ELL: variants seen among roughly 807,000 people sequenced by gnomAD.
ELL encodes elongation factor for RNA polymerase II.
A neutral mutation model predicts 64.0 loss-of-function variants in ELL; 18 were observed. That is an observed-to-expected ratio of 0.28 (90% CI 0.19 to 0.42). The LOEUF (loss-of-function observed/expected upper bound fraction) is 0.42, where lower values mean the gene tolerates loss of function less well. Among genes scored for constraint, ELL ranks in the 10% least tolerant of loss-of-function variants. The pLI is 1.00. For missense variants in ELL, 797 were observed against 870.4 expected (o/e 0.92, Z 1.06); for synonymous variants, 399 against 376.2 (o/e 1.06, Z -0.70).
chr19:18,488,809 C>T (rs1347579756), intron 1 of ELL, among the ~76,000 whole-genome samples: 1 of 152,206 alleles, frequency 6.6e-6, no homozygotes. Flanking sequence ...AGTGGCAGGG[C>T]TTGAGCTGAA....
In ELL at chr19:18,444,551, G is replaced by A. The variant is rs1469096899; in HGVS notation, c.*201C>T. ...CTTCCTGGGGAGCCCATCATAAGCAGGGACTGCTCAGGAAGCGCAGGGAGG... is the reference window on the plus strand; with the variant it reads ...CTTCCTGGGGAGCCCATCATAAGCAAGGACTGCTCAGGAAGCGCAGGGAGG... On this transcript the variant is annotated 3_prime_UTR_variant, in exon 12 of 12. Transcript: ENST00000262809. 1 of 538,440 alleles carries A rather than the reference G, an allele frequency of 1.9e-6. No individual in the cohort carries two copies. Among genetic ancestry groups the A allele is most frequent in the Non-Finnish European group, 3.3e-6 (1 of 306,654 alleles). 33.4% of individuals were successfully genotyped at this position (538,440 alleles called of 1,614,324 possible).
intron 1 of ELL, among the ~76,000 whole-genome samples, chr19:18,507,734 T>C (rs1452539086): frequency 6.6e-6 from 1 of 152,234 alleles, no homozygotes; most frequent in African/African-American, 2.4e-5. Flanking sequence ...GCAATCCCTC[T>C]GTGTAGGAGA....
At chr19:18,517,989 G>A (rs1976164848) in intron 1 of ELL, among the ~76,000 whole-genome samples, 1 of 151,756 alleles carries the variant, frequency 6.6e-6, no homozygotes, top group Non-Finnish European at 1.5e-5. Flanking sequence ...GGGAGGCCAA[G>A]GGAGGAGGAT....
At chr19:18,521,037 C>A (rs1156579379) in intron 1 of ELL, among the ~76,000 whole-genome samples, 1 of 152,030 alleles carries the variant, frequency 6.6e-6, no homozygotes, top group Non-Finnish European at 1.5e-5. Flanking sequence ...CTCCCCACCA[C>A]CAGCCAGGTG....
In ELL at chr19:18,446,561, G is replaced by A. The variant is rs148613687; in HGVS notation, c.1533-81C>T. ...AGGAAGTGGCCATCCTGGCTCCACCGGCGGCCTGGCCTCTCGGGTGATTCC... is the reference window on the plus strand; with the variant it reads ...AGGAAGTGGCCATCCTGGCTCCACCAGCGGCCTGGCCTCTCGGGTGATTCC... On this transcript the variant is annotated intron_variant, in intron 9 of 11. Coordinates refer to ENST00000262809, the MANE Select transcript of ELL (RefSeq NM_006532.4). The A allele has an allele frequency of 8.7e-5, 134 of 1,547,652 alleles. No homozygotes were observed. In the African/African-American group the frequency reaches 1.3e-3, roughly 15 times the overall value.
At chr19:18,459,521 ATTT>A (rs773327507) in intron 5 of ELL, among the ~76,000 whole-genome samples, 1 of 138,274 alleles carries the variant, frequency 7.2e-6, no homozygotes, top group Non-Finnish European at 1.6e-5. Flanking sequence ...CATGGGGAGC[ATTT>A]TTTTTTTTTT....
At chr19:18,496,858 C>T (rs1278371485) in intron 1 of ELL, among the ~76,000 whole-genome samples, 1 of 152,214 alleles carries the variant, frequency 6.6e-6, no homozygotes, top group Non-Finnish European at 1.5e-5. Context: ...CAATGAGATA[C>T]CACCACATGC....
At chr19:18,508,929 T>A (rs749813449) in intron 1 of ELL, among the ~76,000 whole-genome samples, 1 of 152,148 alleles carries the variant, frequency 6.6e-6, no homozygotes, top group Non-Finnish European at 1.5e-5. Flanking sequence ...TCTGTCCGCG[T>A]CCTAACAAGG....
At chr19:18,498,299 G>A (rs867201447) in intron 1 of ELL, among the ~76,000 whole-genome samples, 1 of 152,064 alleles carries the variant, frequency 6.6e-6, no homozygotes, top group East Asian at 1.9e-4. Flanking sequence ...GAGCCAACCC[G>A]GATCACTAAA....
rs890331446 is a variant in ELL at position 18,511,793 on chromosome 19, A to C, written c.135+10128T>G. On this transcript the variant is annotated intron_variant, in intron 1 of 11. Transcript: ENST00000262809. ...CAGCATTTTGGGAGGCTGAGGTTGG[A>C]GGACTGCTTGAGCCCAGGAGTTCGA... 6.6e-5 allele frequency among the ~76,000 whole-genome samples: 10 copies of C among 151,630 alleles called. No individual in the cohort carries two copies. The East Asian group carries it at 1.9e-3, about 29-fold the overall frequency.
chr19:18,492,430 T>A (rs948109455), intron 1 of ELL, among the ~76,000 whole-genome samples: 9 of 152,216 alleles, frequency 5.9e-5, no homozygotes, highest in South Asian at 2.1e-4. Flanking sequence ...ATTTGAAACA[T>A]AAGCAATAAG....
chr19:18,480,982 T>C (rs1975288434), intron 1 of ELL, among the ~76,000 whole-genome samples: 1 of 152,186 alleles, frequency 6.6e-6, no homozygotes, highest in Non-Finnish European at 1.5e-5. Flanking sequence ...AGAAAGCTTA[T>C]GGAAAAGGGT....
intron 1 of ELL, among the ~76,000 whole-genome samples, chr19:18,519,457 C>G (rs111527728): frequency 6.6e-6 from 1 of 152,118 alleles, no homozygotes; most frequent in African/African-American, 2.4e-5. Flanking sequence ...ACGGAGCTGC[C>G]GTGCCTTAGA....
intron 1 of ELL, among the ~76,000 whole-genome samples, chr19:18,478,191 G>A (rs141730410): frequency 2.6e-5 from 4 of 152,204 alleles, no homozygotes; most frequent in Non-Finnish European, 4.4e-5. Context: ...GAGCCAACAT[G>A]CGTGGTGTCA....
At position 18,509,598 on chromosome 19, in the gene ELL, T is replaced by TACACACACACAC. The variant is rs1183127480; in HGVS notation, c.135+12311_135+12322dup. On this transcript the variant is annotated intron_variant, in intron 1 of 11. Transcript: ENST00000262809. ...CAATGCACGTGCGCGCGCGCGCACA[T>TACACACACACAC]ACACACACACACACACACACACACA... Among the ~76,000 whole-genome samples, 132 of 81,850 alleles carry TACACACACACAC rather than the reference T, an allele frequency of 1.6e-3. 3 individuals carry two copies. The highest frequency in any genetic ancestry group is 7.0e-3 in the East Asian group (20 of 2,858). The allele number at this position is 81,850 out of a possible 152,430, so 53.7% of individuals were successfully genotyped here. A position where few individuals can be genotyped will look rare whatever the true frequency, so the allele number is the denominator to read the frequency against.
At chr19:18,494,872 C>T (rs1208929730) in intron 1 of ELL, among the ~76,000 whole-genome samples, 1 of 152,216 alleles carries the variant, frequency 6.6e-6, no homozygotes, top group African/African-American at 2.4e-5. Flanking sequence ...TCCTCCACTT[C>T]CCTAGCCGGG....
chr19:18,463,479 C>T (rs527581908), intron 4 of ELL, among the ~76,000 whole-genome samples: 14 of 151,874 alleles, frequency 9.2e-5, no homozygotes, highest in Admixed American at 2.6e-4. Flanking sequence ...GGACTCCAGG[C>T]GCACGCCACC....
intron 1 of ELL, among the ~76,000 whole-genome samples, chr19:18,478,453 C>G (rs1975224258): frequency 6.6e-6 from 1 of 152,332 alleles, no homozygotes; most frequent in South Asian, 2.1e-4. Context: ...TGCCCAGTCT[C>G]TGTAGACCCT....
intron 4 of ELL, among the ~76,000 whole-genome samples, chr19:18,462,509 G>C (rs1974850704): frequency 6.6e-6 from 1 of 151,764 alleles, no homozygotes; most frequent in Admixed American, 6.6e-5. Context: ...TCAGCCTCTG[G>C]AGTAGCTGGG....
Sources: gnomAD v4.1 joint callset for allele counts (sites outside exome capture counted in the v4.1 genomes callset) on GRCh38, gnomAD v4.1.1 for gene constraint, MANE v1.5 for transcripts, NCBI Gene and HGNC (gene_info 2026-07-23, HGNC 2026-07-21) for gene names.